Variants in OSBPL3 observed in about 807,000 individuals in gnomAD.
The protein encoded by OSBPL3 is oxysterol-binding protein-related protein 3.
Under a neutral mutation model 120.1 loss-of-function variants are expected in OSBPL3, and 65 were observed. The ratio of observed to expected loss-of-function variants is 0.54; its 90% confidence interval spans 0.44 to 0.67. OSBPL3 has a LOEUF of 0.67. OSBPL3 is among the 30% of genes least tolerant of loss of function. The pLI is 0.00. For synonymous variants in OSBPL3, 416 were observed against 402.6 expected, an observed-to-expected ratio of 1.03 and a Z score of -0.40; for missense variants, 1,004 against 1,082.1, an observed-to-expected ratio of 0.93 and a Z score of 1.01.
At position 24,867,562 on chromosome 7, in the gene OSBPL3, G is replaced by T. The variant is rs897680499; in HGVS notation, c.382-1325C>A. On this transcript the variant is annotated intron_variant, in intron 5 of 22. Coordinates refer to ENST00000313367, the MANE Select transcript of OSBPL3 (RefSeq NM_015550.4). This position sits in a 1 kb window ranked among gnomAD's most constrained non-coding sequence, Gnocchi z 4.5. ...TGGTATTATAAAGTGGTGTTTCCCT[G>T]CACAAACTCTTTCTCTTTGCCTGCC... is the stretch of plus-strand genomic sequence containing the variant. Among the ~76,000 whole-genome samples, 1 of 152,102 alleles carries T rather than the reference G, an allele frequency of 6.6e-6. No individual in the cohort carries two copies. The highest frequency in any genetic ancestry group is 6.5e-5 in the Admixed American group (1 of 15,268).
At chr7:24,864,949 T>C (rs1801093699) in intron 7 of OSBPL3, among the ~76,000 whole-genome samples, 1 of 152,174 alleles carries the variant, frequency 6.6e-6, no homozygotes, top group Non-Finnish European at 1.5e-5. Flanking sequence ...GATTCTAATG[T>C]GCAGTCAGGG....
At chr7:24,857,736 AG>A (rs1297972258) in intron 10 of OSBPL3, among the ~76,000 whole-genome samples, 1 of 152,196 alleles carries the variant, frequency 6.6e-6, no homozygotes, top group Non-Finnish European at 1.5e-5. Context: ...TGTTGGGAAT[AG>A]GGGGGAAGAT....
At chr7:24,943,557 T>C (rs1584694704) in intron 1 of OSBPL3, among the ~76,000 whole-genome samples, 1 of 152,212 alleles carries the variant, frequency 6.6e-6, no homozygotes, top group Admixed American at 6.5e-5. Context: ...CATACCTTTC[T>C]AAGAAGAGTT....
intron 1 of OSBPL3, among the ~76,000 whole-genome samples, chr7:24,924,535 G>C (rs1045192816): frequency 1.3e-5 from 2 of 152,132 alleles, no homozygotes; most frequent in Non-Finnish European, 2.9e-5. Context: ...CCGTCATCTG[G>C]CTAAGCTTCT....
chr7:24,865,164 T>C (rs1441202755), intron 7 of OSBPL3, among the ~76,000 whole-genome samples, 178 bp downstream of exon 7: 1 of 152,190 alleles, frequency 6.6e-6, no homozygotes, highest in East Asian at 1.9e-4. Flanking sequence ...CAGGTGAAGA[T>C]GCAAAGATCT....
Position 24,917,426 on chromosome 7 carries a change from ATT to A in OSBPL3, c.-149-24807_-149-24806del, listed in dbSNP as rs60866800. Among the ~76,000 whole-genome samples the A allele has an allele frequency of 3.3e-3, 456 of 137,684 alleles. 7 individuals are homozygous for A. The highest frequency in any genetic ancestry group is 5.1e-3 in the Non-Finnish European group (334 of 65,114). 90.3% of individuals were successfully genotyped at this position (137,684 alleles called of 152,430 possible). On this transcript the variant is annotated intron_variant, in intron 1 of 22. Coordinates refer to ENST00000313367, the MANE Select transcript of OSBPL3 (RefSeq NM_015550.4). Reference sequence around the variant, plus strand: ...CATATATATATATATATATATATATATTTGTAACATATATATATATACACACA... The same window carrying A: ...CATATATATATATATATATATATATATGTAACATATATATATATACACACA...
At chr7:24,969,275 A>G (rs935018621) in intron 1 of OSBPL3, among the ~76,000 whole-genome samples, 4 of 152,218 alleles carry the variant, frequency 2.6e-5, no homozygotes, top group African/African-American at 9.6e-5. Context: ...TTTATGAGTC[A>G]TCTGTATGCC....
Position 24,852,158 on chromosome 7 carries a change from C to G in OSBPL3, c.1158+346G>C, listed in dbSNP as rs1799240558. Among the ~76,000 whole-genome samples, 1 of 152,158 alleles carries G rather than the reference C, an allele frequency of 6.6e-6. No individual in the cohort carries two copies. Among genetic ancestry groups the G allele is most frequent in the African/African-American group, 2.4e-5 (1 of 41,432 alleles). On this transcript the variant is annotated intron_variant, in intron 11 of 22. Coordinates refer to ENST00000313367, the MANE Select transcript of OSBPL3 (RefSeq NM_015550.4). This position sits in a 1 kb window ranked among gnomAD's most constrained non-coding sequence, Gnocchi z 4.1. ...GTGGTGTCTCATGCCCATAAAATTT[C>G]CTCCAAACTGTCAGATTTTGTAAGC... is the stretch of plus-strand genomic sequence containing the variant.
In OSBPL3 at chr7:24,959,543, G is replaced by A. The variant is rs534685988; in HGVS notation, c.-150+20343C>T. On this transcript the variant is annotated intron_variant, in intron 1 of 22. Transcript: ENST00000313367. The surrounding 1 kb of genome is among the most constrained non-coding windows in gnomAD (Gnocchi z 4.3). ...AATCAGGATGGAAATTACCCATTGC[G>A]GGTAGGGATAGCGACTTCGGAAGAG... Among the ~76,000 whole-genome samples, 11 of 152,254 alleles carry A rather than the reference G, an allele frequency of 7.2e-5. No individual in the cohort carries two copies. The highest frequency in any genetic ancestry group is 2.2e-4 in the African/African-American group (9 of 41,552).
rs1344398646 is a variant in OSBPL3 at position 24,822,776 on chromosome 7, A to G, written c.1885-2538T>C. ...TATACATCCATATGAATTACAAGAG[A>G]ACCCCTACAGTATACACACATCTCA... On this transcript the variant is annotated intron_variant, in intron 16 of 22. Transcript: ENST00000313367. The surrounding 1 kb of genome is among the most constrained non-coding windows in gnomAD (Gnocchi z 5.8). Among the ~76,000 whole-genome samples, 1 of 152,234 alleles carries G rather than the reference A, an allele frequency of 6.6e-6. No individual in the cohort carries two copies. Among genetic ancestry groups the G allele is most frequent in the Non-Finnish European group, 1.5e-5 (1 of 68,042 alleles).
At chr7:24,945,621 G>GC (rs1215855048) in intron 1 of OSBPL3, among the ~76,000 whole-genome samples, 1 of 152,210 alleles carries the variant, frequency 6.6e-6, no homozygotes, top group Non-Finnish European at 1.5e-5. Context: ...ACGGTGAAAT[G>GC]ATTACTGGCA....
chr7:24,840,912 A>C (rs1797660004), intron 13 of OSBPL3, 129 bp from the exon 14 acceptor site: 1 of 550,610 alleles, frequency 1.8e-6, no homozygotes, highest in Non-Finnish European at 3.1e-6. Flanking sequence ...TACTGTTTTC[A>C]TAAAGGTCCA....
In OSBPL3 at chr7:24,863,368, G is replaced by T; in HGVS notation, c.778-76C>A. 7.1e-7 allele frequency: 1 copy of T among 1,399,018 alleles called. No homozygotes were observed. Among genetic ancestry groups the T allele is most frequent in the South Asian group, 1.2e-5 (1 of 86,434 alleles). The allele number at this position is 1,399,018 out of a possible 1,614,324, so 86.7% of individuals were successfully genotyped here. On this transcript the variant is annotated intron_variant, in intron 8 of 22. Coordinates refer to ENST00000313367, the MANE Select transcript of OSBPL3 (RefSeq NM_015550.4). This position sits in a 1 kb window ranked among gnomAD's most constrained non-coding sequence, Gnocchi z 5.8. Reference sequence around the variant, plus strand: ...GACAAGGATAAATGCATAGCAAAGTGACCACCTCCATCCCCTTGACTTTGG... The same window carrying T: ...GACAAGGATAAATGCATAGCAAAGTTACCACCTCCATCCCCTTGACTTTGG...
In OSBPL3 at chr7:24,830,733, C is replaced by A. The variant is rs757934368; in HGVS notation, c.1884+35G>T. ...CACATTTAATGGGAGACATAAGCAA[C>A]CCCTCCCAACAAGCAAAAAATGGTG... On this transcript the variant is annotated intron_variant, in intron 16 of 22. Coordinates refer to ENST00000313367, the MANE Select transcript of OSBPL3 (RefSeq NM_015550.4). The surrounding 1 kb of genome is among the most constrained non-coding windows in gnomAD (Gnocchi z 4.4). The A allele has an allele frequency of 5.7e-6, 9 of 1,573,776 alleles. No individual in the cohort carries two copies. The African/African-American group carries it at 6.9e-5, about 12-fold the overall frequency.
At chr7:24,970,210 C>T (rs181623168) in intron 1 of OSBPL3, among the ~76,000 whole-genome samples, 21 of 147,978 alleles carry the variant, frequency 1.4e-4, no homozygotes, top group African/African-American at 5.2e-4. Flanking sequence ...CCGGTTCAAG[C>T]GATTCTTCTG....
At position 24,959,617 on chromosome 7, in the gene OSBPL3, T is replaced by A. The variant is rs1173310084; in HGVS notation, c.-150+20269A>T. ...CTGGACGCTGGTTACACAGGTTATTTATCTTCTGAAAACTCATTAGATTAT... is the reference window on the plus strand; with the variant it reads ...CTGGACGCTGGTTACACAGGTTATTAATCTTCTGAAAACTCATTAGATTAT... On this transcript the variant is annotated intron_variant, in intron 1 of 22. Coordinates refer to ENST00000313367, the MANE Select transcript of OSBPL3 (RefSeq NM_015550.4). The surrounding 1 kb of genome is among the most constrained non-coding windows in gnomAD (Gnocchi z 4.3). 6.6e-6 allele frequency among the ~76,000 whole-genome samples: 1 copy of A among 152,248 alleles called. No individual in the cohort carries two copies. Among genetic ancestry groups the A allele is most frequent in the East Asian group, 1.9e-4 (1 of 5,204 alleles).
rs1794663452 is a variant in OSBPL3 at position 24,817,893 on chromosome 7, TG to T, written c.1949-1206del. Among the ~76,000 whole-genome samples, 1 of 152,110 alleles carries T rather than the reference TG, an allele frequency of 6.6e-6. No homozygotes were observed. Among genetic ancestry groups the T allele is most frequent in the African/African-American group, 2.4e-5 (1 of 41,412 alleles). Reference sequence around the variant, plus strand: ...GATTTCTCTAACTTGCAATGAATGGTGGTACCAACAGAGAAGCCAGGAAATA... The same window carrying T: ...GATTTCTCTAACTTGCAATGAATGGTGTACCAACAGAGAAGCCAGGAAATA... On this transcript the variant is annotated intron_variant, in intron 17 of 22. Coordinates refer to ENST00000313367, the MANE Select transcript of OSBPL3 (RefSeq NM_015550.4). The surrounding 1 kb of genome is among the most constrained non-coding windows in gnomAD (Gnocchi z 4.0).
chr7:24,907,182 C>T (rs888738615), intron 1 of OSBPL3, among the ~76,000 whole-genome samples: 3 of 152,218 alleles, frequency 2.0e-5, no homozygotes, highest in Admixed American at 1.3e-4. Flanking sequence ...GCAACTGACT[C>T]CACATTTTCT....
rs1208461812 is a variant in OSBPL3 at position 24,819,861 on chromosome 7, A to C, written c.1948+314T>G. 1.3e-5 allele frequency among the ~76,000 whole-genome samples: 2 copies of C among 152,252 alleles called. No homozygotes were observed. The highest frequency in any genetic ancestry group is 6.5e-5 in the Admixed American group (1 of 15,282). ...AAACACGACTTCAGAAATAAAATTT[A>C]AGTTTGACAAAAGCTGAAAACCCCT... On this transcript the variant is annotated intron_variant, in intron 17 of 22. Coordinates refer to ENST00000313367, the MANE Select transcript of OSBPL3 (RefSeq NM_015550.4). The surrounding 1 kb of genome is among the most constrained non-coding windows in gnomAD (Gnocchi z 4.1).
Sources: allele counts gnomAD v4.1 joint callset (sites outside exome capture counted in the v4.1 genomes callset), GRCh38; gene constraint gnomAD v4.1.1; non-coding constraint Gnocchi (gnomAD v3.1); transcripts MANE v1.5; gene names NCBI Gene and HGNC (gene_info 2026-07-23, HGNC 2026-07-21).